Variants in PIP5K1B observed in about 807,000 individuals in gnomAD.
PIP5K1B encodes phosphatidylinositol-4-phosphate 5-kinase type 1 beta, also known as phosphatidylinositol 4-phosphate 5-kinase type-1 beta.
A neutral mutation model predicts 67.0 loss-of-function variants in PIP5K1B; 42 were observed. The observed-to-expected ratio is 0.63, with a 90% CI of 0.49 to 0.81. The LOEUF (loss-of-function observed/expected upper bound fraction) is 0.81, where lower values mean the gene tolerates loss of function less well. Ranked by LOEUF, PIP5K1B falls within the 30% of genes least tolerant of loss-of-function variation. The pLI, the probability that PIP5K1B is intolerant of heterozygous loss-of-function variation, is 0.00. For synonymous variants in PIP5K1B, 214 were observed against 231.4 expected (o/e 0.92, Z 0.68); for missense variants, 459 against 646.3 (o/e 0.71, Z 3.14).
chr9:69,007,653 C>A (rs565049182), intron 15 of PIP5K1B, among the ~76,000 whole-genome samples: 2 of 152,118 alleles, frequency 1.3e-5, no homozygotes, highest in Non-Finnish European at 2.9e-5. Flanking sequence ...GTCAGGAGTT[C>A]AAGACCATCC....
chr9:68,810,825 T>A (rs2132024964), intron 2 of PIP5K1B, among the ~76,000 whole-genome samples: 1 of 152,258 alleles, frequency 6.6e-6, no homozygotes, highest in East Asian at 1.9e-4. Context: ...TAGGAAAAAA[T>A]TATGTAAATT....
intron 14 of PIP5K1B, among the ~76,000 whole-genome samples, chr9:68,956,395 C>T (rs867118196): frequency 1.3e-5 from 2 of 152,080 alleles, no homozygotes; most frequent in East Asian, 1.9e-4. Flanking sequence ...ACTTGAACCC[C>T]GGAGGCAGAG....
rs796551091 is a variant in PIP5K1B, at chr9:68,894,951, C to T, written c.771+313C>T. Among the ~76,000 whole-genome samples the T allele has an allele frequency of 3.9e-5, 6 of 152,094 alleles. No individual in the cohort carries two copies. The East Asian group carries it at 1.2e-3, about 29-fold the overall frequency. On this transcript the variant is annotated intron_variant, in intron 8 of 15. Coordinates refer to ENST00000265382, the MANE Select transcript of PIP5K1B (RefSeq NM_003558.4). Reference sequence around the variant, plus strand: ...CTCCGCTGTGGGGAAGATAGTTTAACTAGAAAGAAATAGAATTTAGGTTTA... The same window carrying T: ...CTCCGCTGTGGGGAAGATAGTTTAATTAGAAAGAAATAGAATTTAGGTTTA...
rs891769236 is a variant in PIP5K1B, at chr9:68,815,111, C to G, written c.-85-3350C>G. Among the ~76,000 whole-genome samples the G allele has an allele frequency of 1.6e-4, 25 of 151,828 alleles. 1 individual carries two copies. In the East Asian group the frequency reaches 4.4e-3, roughly 27 times the overall value. On this transcript the variant is annotated intron_variant, in intron 2 of 15. Coordinates refer to ENST00000265382, the MANE Select transcript of PIP5K1B (RefSeq NM_003558.4). ...AATGTAAATGCTTGAAATTAAGAAG[C>G]CTTCTTATAGATGATTCCTGGATCA...
chr9:68,939,684 T>C (rs551917708), intron 13 of PIP5K1B, among the ~76,000 whole-genome samples: 2 of 152,312 alleles, frequency 1.3e-5, no homozygotes, highest in Admixed American at 1.3e-4. Context: ...GAGTCCAGCC[T>C]TTCCTGTGCT....
chr9:68,889,015 C>T lies in PIP5K1B; in HGVS notation c.353C>T (p.Ser118Phe). 1 of 1,612,088 alleles carries T rather than the reference C, an allele frequency of 6.2e-7. No individual in the cohort carries two copies. The highest frequency in any genetic ancestry group is 8.5e-7 in the Non-Finnish European group (1 of 1,178,164). ...TGCAGTGAACCTCTAATAGAACTGT[C>T]TAACCCTGGAGCCAGTGGATCCTTG... is the stretch of plus-strand genomic sequence containing the variant. ...SICSEPLIEL[S>F]NPGASGSLFF... The change falls in exon 7 of 16, where the codon TCT becomes TTT. Residue 118 changes from serine (S) to phenylalanine (F), a missense_variant. By Grantham distance (155) the Ser-to-Phe change is radical. Coordinates refer to ENST00000265382, the MANE Select transcript of PIP5K1B (RefSeq NM_003558.4).
chr9:69,000,057 G>T (rs1830751701), intron 15 of PIP5K1B, among the ~76,000 whole-genome samples: 1 of 152,120 alleles, frequency 6.6e-6, no homozygotes, highest in South Asian at 2.1e-4. Flanking sequence ...TTACAATGTG[G>T]CGCAAAAATG....
At chr9:68,999,183 A>T (rs1359934263) in intron 15 of PIP5K1B, among the ~76,000 whole-genome samples, 1 of 151,976 alleles carries the variant, frequency 6.6e-6, no homozygotes. Flanking sequence ...TCTTATAAGG[A>T]TGTCACTCAT....
chr9:68,871,258 G>T (rs1823614282), intron 5 of PIP5K1B, among the ~76,000 whole-genome samples: 1 of 150,556 alleles, frequency 6.6e-6, no homozygotes, highest in Admixed American at 6.6e-5. Context: ...TCCTGAAAAG[G>T]AGGAATAACA....
intron 2 of PIP5K1B, among the ~76,000 whole-genome samples, chr9:68,778,475 C>T (rs1044840513): frequency 7.9e-5 from 12 of 152,190 alleles, no homozygotes; most frequent in Admixed American, 2.0e-4. Context: ...GAGTCCCCTT[C>T]GAATAATCTA....
At chr9:68,956,393 C>T (rs1158013871) in intron 14 of PIP5K1B, among the ~76,000 whole-genome samples, 1 of 152,156 alleles carries the variant, frequency 6.6e-6, no homozygotes, top group East Asian at 1.9e-4. Context: ...TCACTTGAAC[C>T]CCGGAGGCAG....
chr9:68,826,845 G>A (rs1476226202), intron 4 of PIP5K1B, among the ~76,000 whole-genome samples: 6 of 152,122 alleles, frequency 3.9e-5, no homozygotes, highest in African/African-American at 9.7e-5. Flanking sequence ...TCTGCCTCCC[G>A]GGTTCAAGCG....
intron 14 of PIP5K1B, among the ~76,000 whole-genome samples, chr9:68,988,671 G>A (rs1355753245): frequency 2.6e-5 from 4 of 152,046 alleles, no homozygotes; most frequent in South Asian, 2.1e-4. Flanking sequence ...GGCTGCTGTC[G>A]AACTTCTGAC....
intron 2 of PIP5K1B, chr9:68,780,312 G>A (rs760265092): frequency 6.2e-7 from 1 of 1,601,706 alleles, no homozygotes; most frequent in Non-Finnish European, 8.5e-7. Context: ...CACTTCGCCG[G>A]TGTTCCAGGC....
chr9:68,717,246 AG>A (rs1338281335), intron 1 of PIP5K1B, among the ~76,000 whole-genome samples: 6 of 152,224 alleles, frequency 3.9e-5, no homozygotes, highest in African/African-American at 9.6e-5. Context: ...TCTGAAAAAA[AG>A]ATTCTCTTTT....
intron 4 of PIP5K1B, among the ~76,000 whole-genome samples, chr9:68,825,778 T>C (rs981268870): frequency 1.5e-4 from 23 of 152,166 alleles, no homozygotes; most frequent in African/African-American, 5.1e-4. Flanking sequence ...CACAGTAGTC[T>C]ATAATGAGGA....
At chr9:68,837,615 T>TTTG (rs1554721798) in intron 4 of PIP5K1B, among the ~76,000 whole-genome samples, 3 of 146,910 alleles carry the variant, frequency 2.0e-5, no homozygotes, top group East Asian at 2.0e-4. Context: ...GTGTTTTTTT[T>TTTG]TTTTTTTTTT....
chr9:68,859,978 C>T (rs770349833), intron 4 of PIP5K1B, among the ~76,000 whole-genome samples: 12 of 151,992 alleles, frequency 7.9e-5, no homozygotes, highest in East Asian at 1.9e-4. Flanking sequence ...AATATGTATA[C>T]GTTGTGAAAT....
At chr9:68,891,438 G>A (rs1457736095) in intron 7 of PIP5K1B, among the ~76,000 whole-genome samples, 1 of 151,352 alleles carries the variant, frequency 6.6e-6, no homozygotes, top group African/African-American at 2.4e-5. Context: ...AAATTGGCAG[G>A]GGAGTTTTTT....
Sources: gnomAD v4.1 joint callset for allele counts (sites outside exome capture counted in the v4.1 genomes callset) on GRCh38, gnomAD v4.1.1 for gene constraint, MANE v1.5 for transcripts, NCBI Gene and HGNC (gene_info 2026-07-23, HGNC 2026-07-21) for gene names.